Variants in STEAP3 observed in about 807,000 individuals in gnomAD.
STEAP3 encodes the protein STEAP3 metalloreductase, also known as metalloreductase STEAP3.
A neutral mutation model predicts 34.9 loss-of-function variants in STEAP3; 35 were observed. That is an observed-to-expected ratio of 1.00 (90% CI 0.76 to 1.33). The LOEUF is 1.33. Ranked by LOEUF, STEAP3 falls within the 40% of genes most tolerant of loss-of-function variation. STEAP3 has a pLI of 0.00. For synonymous variants in STEAP3, 281 were observed against 301.6 expected (o/e 0.93, Z 0.71); for missense variants, 652 against 667.6 (o/e 0.98, Z 0.26).
intron 1 of STEAP3, among the ~76,000 whole-genome samples, chr2:119,227,328 AG>A (rs1014156062): frequency 6.6e-6 from 1 of 152,206 alleles, no homozygotes; most frequent in Non-Finnish European, 1.5e-5. Flanking sequence ...ACTTCAACCC[AG>A]GGGCAGAGTG....
intron 2 of STEAP3, 66 bp from the exon 3 acceptor site, chr2:119,245,423 G>A: frequency 1.3e-6 from 2 of 1,519,156 alleles, no homozygotes; most frequent in Non-Finnish European, 1.8e-6. Context: ...TGTATAAGAG[G>A]AGGGAGGTGG....
At position 119,264,545 on chromosome 2, in the gene STEAP3, C is replaced by G. The variant is rs1678048127; in HGVS notation, c.*1207C>G. 1 of 152,260 alleles carries G rather than the reference C, an allele frequency of 6.6e-6. No homozygotes were observed. The highest frequency in any genetic ancestry group is 2.4e-5 in the African/African-American group (1 of 41,444). The allele number at this position is 152,260 out of a possible 1,614,324, so 9.4% of individuals were successfully genotyped here. A position where few individuals can be genotyped will look rare whatever the true frequency, so the allele number is the denominator to read the frequency against. ...GAGCACCGCCGGGGCCACAGGACGTCTGTCCTCCAGTCACAGGCCATCCTT... is the reference window on the plus strand; with the variant it reads ...GAGCACCGCCGGGGCCACAGGACGTGTGTCCTCCAGTCACAGGCCATCCTT... On this transcript the variant is annotated 3_prime_UTR_variant, in exon 6 of 6. Transcript: ENST00000393110.
At chr2:119,238,672 A>G (rs74736839) in intron 2 of STEAP3, among the ~76,000 whole-genome samples, 3,115 of 152,316 alleles carry the variant, frequency 0.02, 99 homozygotes, top group African/African-American at 0.07. Context: ...GCAGGCAGAC[A>G]GACAGCGCCC....
rs111723879 is a variant in STEAP3, at chr2:119,263,122, C to T, written c.1281C>T (p.Arg427=). The T allele has an allele frequency of 3.7e-5, 59 of 1,613,270 alleles. No individual in the cohort carries two copies. The Middle Eastern group carries it at 6.7e-4, about 18-fold the overall frequency. The change falls in exon 6 of 6, where the codon CGC becomes CGT. Residue 427 remains arginine (R), a synonymous_variant. Transcript: ENST00000393110. The part of the protein sequence containing the change: ...TLHTLTYGWT[R]AFEESRYKFY... ...ACACGCTCACCTACGGCTGGACCCG[C>T]GCCTTCGAGGAGAGCCGCTACAAGT...
chr2:119,262,919 G>A, intron 5 of STEAP3, 138 bp from the exon 6 acceptor site: 2 of 1,104,132 alleles, frequency 1.8e-6, no homozygotes, highest in South Asian at 2.9e-5. Flanking sequence ...AGAGTGACAG[G>A]ACTGGGGTTC....
chr2:119,238,134 G>A (rs993872481), intron 2 of STEAP3, among the ~76,000 whole-genome samples: 3 of 152,154 alleles, frequency 2.0e-5, no homozygotes, highest in Non-Finnish European at 4.4e-5. Flanking sequence ...GTTTTTGTGT[G>A]GATATACATT....
At chr2:119,235,509 G>A (rs1677069086) in intron 2 of STEAP3, among the ~76,000 whole-genome samples, 1 of 152,246 alleles carries the variant, frequency 6.6e-6, no homozygotes, top group African/African-American at 2.4e-5. Context: ...AGCTACTGCA[G>A]TGGTTTTCAA....
intron 5 of STEAP3, among the ~76,000 whole-genome samples, chr2:119,259,684 C>T (rs142365822): frequency 1.7e-3 from 252 of 152,322 alleles, no homozygotes; most frequent in Admixed American, 6.8e-3. Context: ...GGACAGTGGC[C>T]CACACAGACC....
intron 1 of STEAP3, among the ~76,000 whole-genome samples, chr2:119,229,113 C>T (rs1007939667): frequency 2.6e-5 from 4 of 152,134 alleles, no homozygotes; most frequent in African/African-American, 9.7e-5. Flanking sequence ...ACTTAAACTG[C>T]CCGGGCGATT....
At chr2:119,261,763 G>A (rs1453040584) in intron 5 of STEAP3, among the ~76,000 whole-genome samples, 3 of 152,210 alleles carry the variant, frequency 2.0e-5, no homozygotes, top group Admixed American at 2.0e-4. Context: ...CAAGAGGCTG[G>A]AGTCATAGAG....
chr2:119,247,562 AGCTCACTTGAACAAGTCCCT>A, intron 3 of STEAP3, 97 bp from the exon 4 acceptor site: 1 of 1,197,842 alleles, frequency 8.3e-7, no homozygotes, highest in Non-Finnish European at 1.1e-6. Flanking sequence ...ATTGACTGGC[AGCTCACTTGAACAAGTCCCT>A]GCCCCTCTGG....
chr2:119,263,531 A>G lies in STEAP3; in HGVS notation c.*193A>G, dbSNP rs1254162454. On this transcript the variant is annotated 3_prime_UTR_variant, in exon 6 of 6. Coordinates refer to ENST00000393110, the MANE Select transcript of STEAP3 (RefSeq NM_182915.3). ...CACACATATGTGTATATGTATTTAC[A>G]TATATTCCACATATATAACAGGATT... The G allele has an allele frequency of 2.7e-6, 2 of 743,638 alleles. No individual in the cohort carries two copies. The highest frequency in any genetic ancestry group is 4.5e-6 in the Non-Finnish European group (2 of 444,642). 46.1% of individuals were successfully genotyped at this position (743,638 alleles called of 1,614,324 possible).
chr2:119,258,792 T>G (rs1677856004), intron 5 of STEAP3, among the ~76,000 whole-genome samples: 1 of 147,958 alleles, frequency 6.8e-6, no homozygotes, highest in Admixed American at 6.7e-5. Flanking sequence ...TTTTTTTTTT[T>G]TTTGTATTTT....
chr2:119,248,297 C>T (rs969332001), intron 4 of STEAP3, 91 bp downstream of exon 4: 17 of 1,412,638 alleles, frequency 1.2e-5, no homozygotes, highest in Admixed American at 4.4e-5. Context: ...AGCCGATACC[C>T]ACGGGTGCAG....
intron 4 of STEAP3, chr2:119,249,050 GA>G (rs1677542148): frequency 8.3e-6 from 1 of 120,546 alleles, no homozygotes. Flanking sequence ...GGTGATCAGG[GA>G]TGACTCTGGG....
chr2:119,230,890 G>A lies in STEAP3; in HGVS notation c.-123G>A. 1.4e-6 allele frequency: 2 copies of A among 1,387,742 alleles called. No homozygotes were observed. The highest frequency in any genetic ancestry group is 2.3e-5 in the South Asian group (2 of 85,470). 86.0% of individuals were successfully genotyped at this position (1,387,742 alleles called of 1,614,324 possible). A position where few individuals can be genotyped will look rare whatever the true frequency, so the allele number is the denominator to read the frequency against. The stretch of plus-strand genomic sequence containing the variant: ...GACCCTGGCAGGGCCCTCGCCTCCT[G>A]AGAAACCGAGAGTCAGAACCAAAGC... On this transcript the variant is annotated 5_prime_UTR_variant, in exon 2 of 6. Coordinates refer to ENST00000393110, the MANE Select transcript of STEAP3 (RefSeq NM_182915.3).
intron 3 of STEAP3, among the ~76,000 whole-genome samples, chr2:119,247,212 C>T (rs561932428): frequency 1.6e-4 from 25 of 152,044 alleles, no homozygotes; most frequent in Admixed American, 2.6e-4. Flanking sequence ...TCTACTGAGC[C>T]GAGGGACATC....
chr2:119,251,871 C>T (rs1677637587), intron 4 of STEAP3, among the ~76,000 whole-genome samples: 1 of 152,188 alleles, frequency 6.6e-6, no homozygotes, highest in South Asian at 2.1e-4. Context: ...GTTAAGCTCC[C>T]CCAGACTATC....
chr2:119,257,854 C>A, intron 5 of STEAP3: 1 of 500,234 alleles, frequency 2.0e-6, no homozygotes, highest in Non-Finnish European at 2.6e-6. Context: ...CTTTTGTTAC[C>A]GGAAAAGGGT....
Sources: allele counts gnomAD v4.1 joint callset (sites outside exome capture counted in the v4.1 genomes callset), GRCh38; gene constraint gnomAD v4.1.1; transcripts MANE v1.5; gene names NCBI Gene and HGNC (gene_info 2026-07-23, HGNC 2026-07-21).